Variants in MCM5 observed in about 807,000 individuals in gnomAD.
The protein encoded by MCM5 is DNA replication licensing factor MCM5.
In MCM5, 46 loss-of-function variants were observed where a neutral mutation model predicts 79.9. The observed-to-expected ratio is 0.58, with a 90% CI of 0.45 to 0.74. The LOEUF is 0.74. Ranked by LOEUF, MCM5 falls within the 30% of genes least tolerant of loss-of-function variation. The pLI is 0.00. For missense variants in MCM5, 883 were observed against 1,017.0 expected (o/e 0.87, Z 1.79); for synonymous variants, 404 against 390.5 (o/e 1.03, Z -0.41).
Position 35,424,432 on chromosome 22 carries a change from C to A in MCM5, c.*177C>A. The A allele has an allele frequency of 1.8e-6, 1 of 551,224 alleles. No individual in the cohort carries two copies. 34.1% of individuals were successfully genotyped at this position (551,224 alleles called of 1,614,324 possible). A position where few individuals can be genotyped will look rare whatever the true frequency, so the allele number is the denominator to read the frequency against. The stretch of plus-strand genomic sequence containing the variant: ...TAGTGTCCTGCTGCCTCTGGGCGCC[C>A]GCCTCTAGCGCGGTTCTGGGAAGTG... On this transcript the variant is annotated 3_prime_UTR_variant, in exon 17 of 17. Coordinates refer to ENST00000216122, the MANE Select transcript of MCM5 (RefSeq NM_006739.4).
At chr22:35,408,708 T>A in intron 6 of MCM5, 145 bp downstream of exon 6, 1 of 792,404 alleles carries the variant, frequency 1.3e-6, no homozygotes, top group Non-Finnish European at 1.9e-6. Flanking sequence ...GCTCTGTGCC[T>A]AATGCTTCCA....
At chr22:35,445,287 A>T in the MCM5 span, among the ~76,000 whole-genome samples, 1 of 150,278 alleles carries the variant, frequency 6.7e-6, no homozygotes, top group African/African-American at 2.5e-5. Context: ...TGGGCCATTA[A>T]GGGAAAGTGT....
chr22:35,408,439 G>T lies in MCM5; in HGVS notation c.628G>T (p.Asp210Tyr). ...GGCTGGGCGCCCCAAATGCCCATTG[G>T]ACCCGTACTTCATCATGCCCGACAA... ...DQAGRPKCPLDPYFIMPDKCK... is the reference protein window; with the variant it reads ...DQAGRPKCPLYPYFIMPDKCK... The change falls in exon 6 of 17, where the codon GAC becomes TAC. Residue 210 changes from aspartate (D) to tyrosine (Y), a missense_variant. Asp to Tyr is a radical substitution (Grantham distance 160). Transcript: ENST00000216122. The T allele has an allele frequency of 1.2e-6, 2 of 1,614,170 alleles. No homozygotes were observed. The highest frequency in any genetic ancestry group is 1.7e-6 in the Non-Finnish European group (2 of 1,180,008).
chr22:35,410,653 C>T (rs1569066122), intron 6 of MCM5, 91 bp from the exon 7 acceptor site: 3 of 1,289,116 alleles, frequency 2.3e-6, no homozygotes, highest in South Asian at 2.4e-5. Flanking sequence ...CTGCAGTGGA[C>T]CCTGCGTGTC....
At chr22:35,423,447 C>CG in intron 16 of MCM5, 106 bp downstream of exon 16, 2 of 1,312,744 alleles carry the variant, frequency 1.5e-6, no homozygotes, top group Non-Finnish European at 1.0e-6. Context: ...AGGCCCTGAA[C>CG]GGGGGTAGGA....
rs561553342 is a variant in MCM5, at chr22:35,415,618, C to T, written c.1204-211C>T. ...TGAGCCATGGATGTGATGCCCTCAGCGGGGAGAACATCTGGGCACACCGAG... is the reference window on the plus strand; with the variant it reads ...TGAGCCATGGATGTGATGCCCTCAGTGGGGAGAACATCTGGGCACACCGAG... On this transcript the variant is annotated intron_variant, in intron 9 of 16. Transcript: ENST00000216122. Among the ~76,000 whole-genome samples, 14 of 152,316 alleles carry T rather than the reference C, an allele frequency of 9.2e-5. No homozygotes were observed. The East Asian group carries it at 9.6e-4, about 10-fold the overall frequency.
intron 2 of MCM5, among the ~76,000 whole-genome samples, chr22:35,401,063 A>G (rs964384996): frequency 2.6e-5 from 4 of 151,690 alleles, no homozygotes; most frequent in African/African-American, 4.8e-5. Context: ...CAAGTGATCC[A>G]CCCGCCTCAG....
chr22:35,400,807 A>G (rs1332468718), intron 2 of MCM5, among the ~76,000 whole-genome samples: 1 of 151,894 alleles, frequency 6.6e-6, no homozygotes, highest in African/African-American at 2.4e-5. Context: ...ATTTTATTTT[A>G]TTTTATTATT....
At chr22:35,446,793 A>G in the MCM5 span, among the ~76,000 whole-genome samples, 1 of 151,586 alleles carries the variant, frequency 6.6e-6, no homozygotes, top group South Asian at 2.1e-4. Flanking sequence ...CGGTTCCCTG[A>G]GCATCTTCAT....
intron 8 of MCM5, among the ~76,000 whole-genome samples, chr22:35,413,202 C>T (rs997122716): frequency 2.0e-5 from 3 of 152,050 alleles, no homozygotes; most frequent in Admixed American, 6.6e-5. Flanking sequence ...GCCACCATGC[C>T]CAGCTAATTT....
intron 5 of MCM5, 31 bp downstream of exon 5, chr22:35,406,756 G>T (rs1168901279): frequency 1.3e-6 from 2 of 1,598,760 alleles, no homozygotes; most frequent in Non-Finnish European, 1.7e-6. Context: ...GACTGTGGGA[G>T]GTGACCTGAG....
chr22:35,447,442 G>A, the MCM5 span, among the ~76,000 whole-genome samples: 1 of 136,810 alleles, frequency 7.3e-6, no homozygotes, highest in African/African-American at 2.9e-5. Flanking sequence ...ACTTTTTGTT[G>A]TTGTTATTTT....
intron 4 of MCM5, among the ~76,000 whole-genome samples, chr22:35,405,595 G>A (rs914415336): frequency 6.6e-6 from 1 of 151,862 alleles, no homozygotes; most frequent in Admixed American, 6.6e-5. Flanking sequence ...TCGAACTCCC[G>A]ATCTCAAGTG....
downstream of MCM5, among the ~76,000 whole-genome samples, chr22:35,429,105 C>G (rs950545976): frequency 6.6e-6 from 1 of 150,582 alleles, no homozygotes; most frequent in African/African-American, 2.5e-5. Context: ...CCTGCCTCAG[C>G]CTCCCAAGTA....
At chr22:35,400,393 T>A in intron 1 of MCM5, 38 bp from the exon 2 acceptor site, 1 of 1,612,484 alleles carries the variant, frequency 6.2e-7, no homozygotes, top group Non-Finnish European at 8.5e-7. Context: ...TGCCAGGCGC[T>A]GCCCCCAGCC....
Position 35,423,282 on chromosome 22 carries a change from C to T in MCM5, c.2044C>T (p.Arg682Cys), listed in dbSNP as rs772339570. 3.1e-6 allele frequency: 5 copies of T among 1,608,818 alleles called. No individual in the cohort carries two copies. In the East Asian group the frequency reaches 6.7e-5, roughly 22 times the overall value. ...LSRIEKQLKR[R>C]FAIGSQVSEH... is the part of the protein sequence containing the mutation. Reference sequence around the variant, plus strand: ...CCGCATCGAGAAGCAGCTCAAGCGCCGCTTTGCCATTGGCTCCCAGGTGTC... The same window carrying T: ...CCGCATCGAGAAGCAGCTCAAGCGCTGCTTTGCCATTGGCTCCCAGGTGTC... Residue 682 changes from arginine to cysteine, a missense_variant, in exon 16 of 17, where the codon CGC (arginine) becomes TGC (cysteine). Arg to Cys is a radical substitution (Grantham distance 180). Around this residue, in one of 3 missense-constraint regions of MCM5, gnomAD observed 426 missense variants for 482.3 expected, o/e 0.88. Transcript: ENST00000216122.
intron 4 of MCM5, among the ~76,000 whole-genome samples, chr22:35,403,856 C>T (rs978408128): frequency 1.3e-5 from 2 of 151,700 alleles, no homozygotes; most frequent in Non-Finnish European, 2.9e-5. Context: ...TGGCTCATGC[C>T]TCTAATCTTA....
At chr22:35,416,246 A>G (rs1338179620) in intron 10 of MCM5, 93 bp from the exon 11 acceptor site, 4 of 1,253,854 alleles carry the variant, frequency 3.2e-6, no homozygotes, top group Non-Finnish European at 3.5e-6. Flanking sequence ...GCTGGTATTC[A>G]GGAGTGAGGG....
intron 2 of MCM5, among the ~76,000 whole-genome samples, chr22:35,402,947 G>C (rs1277128402): frequency 6.6e-6 from 1 of 152,178 alleles, no homozygotes; most frequent in Non-Finnish European, 1.5e-5. Context: ...CGCTGGCCTG[G>C]GTGTTGAAAC....
Sources: allele counts gnomAD v4.1 joint callset (sites outside exome capture counted in the v4.1 genomes callset), GRCh38; gene constraint gnomAD v4.1.1; regional missense constraint gnomAD v4.1.1; transcripts MANE v1.5; gene names NCBI Gene and HGNC (gene_info 2026-07-23, HGNC 2026-07-21).